TCF4: variants seen among roughly 807,000 people sequenced by gnomAD.
TCF4 encodes transcription factor 4.
In TCF4, 3 loss-of-function variants were observed where a neutral mutation model predicts 82.1. The observed-to-expected ratio is 0.04, with a 90% CI of 0.02 to 0.09. TCF4 has a LOEUF of 0.09. Ranked by LOEUF, TCF4 falls within the 10% of genes least tolerant of loss-of-function variation. The probability of loss-of-function intolerance (pLI) is 1.00; values close to 1 mark genes in which losing one functional copy is unlikely to be tolerated. For missense variants in TCF4, 518 were observed against 852.7 expected (o/e 0.61, Z 4.89); for synonymous variants, 276 against 309.6 (o/e 0.89, Z 1.14).
chr18:55,527,642 T>A (rs751622160), intron 3 of TCF4, among the ~76,000 whole-genome samples: 3 of 152,102 alleles, frequency 2.0e-5, no homozygotes, highest in African/African-American at 4.8e-5. Context: ...TAACACCACG[T>A]GCATGATAAG....
At chr18:55,569,985 A>C (rs1022281161) in intron 3 of TCF4, among the ~76,000 whole-genome samples, 1 of 152,146 alleles carries the variant, frequency 6.6e-6, no homozygotes, top group African/African-American at 2.4e-5. Context: ...AGTGGGGAGG[A>C]AGGGCTTTAC....
intron 6 of TCF4, among the ~76,000 whole-genome samples, chr18:55,394,366 G>C (rs186907157): frequency 6.6e-5 from 10 of 152,188 alleles, no homozygotes; most frequent in African/African-American, 2.2e-4. Flanking sequence ...TGTTATTGTC[G>C]CAAATGCATA....
intron 6 of TCF4, among the ~76,000 whole-genome samples, chr18:55,385,015 T>C (rs1268211570): frequency 6.6e-6 from 1 of 152,122 alleles, no homozygotes; most frequent in Non-Finnish European, 1.5e-5. Context: ...AACCTCTCTT[T>C]CCTCTTTCTC....
chr18:55,465,157 T>A (rs548748927), intron 3 of TCF4, among the ~76,000 whole-genome samples: 2 of 152,218 alleles, frequency 1.3e-5, no homozygotes, highest in East Asian at 3.9e-4. Context: ...CTGACAGAAG[T>A]GGAGGAGGAA....
At chr18:55,253,575 A>T (rs965969309) in intron 15 of TCF4, among the ~76,000 whole-genome samples, 2 of 152,212 alleles carry the variant, frequency 1.3e-5, no homozygotes, top group South Asian at 4.1e-4. Context: ...AAATCCTTTC[A>T]AAAGTAATGA....
chr18:55,552,650 T>C (rs2097270102), intron 3 of TCF4, among the ~76,000 whole-genome samples: 1 of 152,258 alleles, frequency 6.6e-6, no homozygotes, highest in African/African-American at 2.4e-5. Context: ...ATACTGTTTT[T>C]ATACATCGCT....
chr18:55,417,519 C>A (rs929213468), intron 5 of TCF4, among the ~76,000 whole-genome samples: 3 of 152,158 alleles, frequency 2.0e-5, no homozygotes, highest in African/African-American at 7.2e-5. Context: ...ATTCTCGTTT[C>A]TTCTGTGGTT....
chr18:55,547,965 G>A (rs1481830449), intron 3 of TCF4, among the ~76,000 whole-genome samples: 2 of 151,864 alleles, frequency 1.3e-5, no homozygotes, highest in Non-Finnish European at 2.9e-5. Flanking sequence ...AAGAAGTTTT[G>A]TGACCTCACC....
In TCF4 at chr18:55,463,948, C is replaced by CTGTGTGTG. The variant is rs151196106; in HGVS notation, c.207+120_207+127dup. The CTGTGTGTG allele has an allele frequency of 1.7e-3, 1,224 of 702,010 alleles. 1 individual carries two copies. Among genetic ancestry groups the CTGTGTGTG allele is most frequent in the East Asian group, 6.3e-3 (234 of 36,922 alleles). 43.5% of individuals were successfully genotyped at this position (702,010 alleles called of 1,614,324 possible). A position where few individuals can be genotyped will look rare whatever the true frequency, so the allele number is the denominator to read the frequency against. The stretch of plus-strand genomic sequence containing the variant: ...TGTGTGCGTGTGCATGCCCATGCCT[C>CTGTGTGTG]TGTGTGTGTGTGTGTGTGTGTGTGT... On this transcript the variant is annotated intron_variant, in intron 4 of 19. Transcript: ENST00000354452.
chr18:55,548,031 C>A (rs1165695484), intron 3 of TCF4, among the ~76,000 whole-genome samples: 1 of 152,190 alleles, frequency 6.6e-6, no homozygotes, highest in Non-Finnish European at 1.5e-5. Flanking sequence ...TCAGATGAAA[C>A]CCTTACTCCG....
chr18:55,382,813 T>A (rs944656481), intron 6 of TCF4, among the ~76,000 whole-genome samples: 1 of 152,218 alleles, frequency 6.6e-6, no homozygotes, highest in African/African-American at 2.4e-5. Flanking sequence ...TTTGGGAGTA[T>A]GTTAAATATT....
chr18:55,333,490 A>C (rs1218988939), intron 8 of TCF4, among the ~76,000 whole-genome samples: 2 of 152,080 alleles, frequency 1.3e-5, no homozygotes, highest in African/African-American at 4.8e-5. Flanking sequence ...AACAAAAAAA[A>C]CCCTCAACTC....
At chr18:55,514,222 C>G (rs1011363713) in intron 3 of TCF4, among the ~76,000 whole-genome samples, 3 of 152,102 alleles carry the variant, frequency 2.0e-5, no homozygotes, top group Admixed American at 6.6e-5. Flanking sequence ...CACTGACATT[C>G]TTCATACCTA....
chr18:55,501,180 C>T (rs751987269), intron 3 of TCF4, among the ~76,000 whole-genome samples: 1 of 151,866 alleles, frequency 6.6e-6, no homozygotes, highest in Non-Finnish European at 1.5e-5. Context: ...AACATCAGTG[C>T]AAAAAAGCCA....
intron 2 of TCF4, among the ~76,000 whole-genome samples, chr18:55,615,432 G>T (rs541144059): frequency 6.6e-6 from 1 of 150,992 alleles, no homozygotes; most frequent in Non-Finnish European, 1.5e-5. Flanking sequence ...TTTTTTTTAA[G>T]ATTCCACCAG....
At chr18:55,449,721 GATCT>G (rs2144297371) in intron 5 of TCF4, among the ~76,000 whole-genome samples, 1 of 152,272 alleles carries the variant, frequency 6.6e-6, no homozygotes, top group Admixed American at 6.5e-5. Context: ...CTTACTTTGT[GATCT>G]ATCGCTCTAA....
chr18:55,253,196 T>G (rs576013261), intron 15 of TCF4, among the ~76,000 whole-genome samples: 1 of 152,342 alleles, frequency 6.6e-6, no homozygotes, highest in Admixed American at 6.5e-5. Flanking sequence ...CTCTTAATCT[T>G]AGACTTTTAT....
At chr18:55,392,435 A>C (rs1011132575) in intron 6 of TCF4, among the ~76,000 whole-genome samples, 21 of 148,726 alleles carry the variant, frequency 1.4e-4, no homozygotes, top group African/African-American at 5.0e-4. Flanking sequence ...CCTGGACAAC[A>C]TAGAGACCCA....
At position 55,463,977 on chromosome 18, in the gene TCF4, T is replaced by TGA. The variant is rs1555671780; in HGVS notation, c.207+97_207+98dup. On this transcript the variant is annotated intron_variant, in intron 4 of 19. Transcript: ENST00000354452. ...GTGTGTGTGTGTGTGTGTGTGTGTGTGAGAGAGAGAGAGAGAGAGAGAGAG... is the reference window on the plus strand; with the variant it reads ...GTGTGTGTGTGTGTGTGTGTGTGTGTGAGAGAGAGAGAGAGAGAGAGAGAGAG... 4,038 of 300,722 alleles carry TGA rather than the reference T, an allele frequency of 0.013. 81 individuals are homozygous for TGA. The highest frequency in any genetic ancestry group is 0.12 in the African/African-American group (3,123 of 26,570). The allele number at this position is 300,722 out of a possible 1,614,324, so 18.6% of individuals were successfully genotyped here.
Sources: gnomAD v4.1 joint callset for allele counts (sites outside exome capture counted in the v4.1 genomes callset) on GRCh38, gnomAD v4.1.1 for gene constraint, MANE v1.5 for transcripts, NCBI Gene and HGNC (gene_info 2026-07-23, HGNC 2026-07-21) for gene names.